Variants in NKAIN2 observed in about 807,000 individuals in gnomAD.
NKAIN2 encodes the protein sodium/potassium transporting ATPase interacting 2.
In NKAIN2, 14 loss-of-function variants were observed where a neutral mutation model predicts 32.6. The observed-to-expected ratio is 0.43, with a 90% CI of 0.28 to 0.67. The LOEUF (loss-of-function observed/expected upper bound fraction) is 0.67, where lower values mean the gene tolerates loss of function less well. Ranked by LOEUF, NKAIN2 falls within the 30% of genes least tolerant of loss-of-function variation. NKAIN2 has a pLI of 0.17. For missense variants in NKAIN2, 198 were observed against 258.3 expected (o/e 0.77, Z 1.60); for synonymous variants, 80 against 87.2 (o/e 0.92, Z 0.46).
At chr6:124,329,644 A>G (rs1797570582) in intron 2 of NKAIN2, among the ~76,000 whole-genome samples, 1 of 152,192 alleles carries the variant, frequency 6.6e-6, no homozygotes, top group Non-Finnish European at 1.5e-5. Context: ...TGTAACCATC[A>G]TTCATATAAG....
chr6:124,810,868 A>T (rs1780871859), intron 5 of NKAIN2, among the ~76,000 whole-genome samples: 1 of 151,738 alleles, frequency 6.6e-6, no homozygotes, highest in Admixed American at 6.6e-5. Context: ...TTCATGCAAC[A>T]ACAGGCTAAA....
intron 3 of NKAIN2, among the ~76,000 whole-genome samples, chr6:124,656,092 CA>C (rs757133120): frequency 7.2e-5 from 11 of 152,174 alleles, no homozygotes; most frequent in Non-Finnish European, 1.2e-4. Flanking sequence ...CTTTGGTAAC[CA>C]AACATTAAAT....
intron 3 of NKAIN2, among the ~76,000 whole-genome samples, chr6:124,607,941 G>C (rs1402609619): frequency 6.6e-6 from 1 of 152,076 alleles, no homozygotes; most frequent in African/African-American, 2.4e-5. Flanking sequence ...TAAGTGTTCT[G>C]AGCATGTTTA....
chr6:123,892,226 A>G (rs1462266176), intron 1 of NKAIN2, among the ~76,000 whole-genome samples: 3 of 152,212 alleles, frequency 2.0e-5, no homozygotes, highest in East Asian at 1.9e-4. Context: ...CCTTTAACAT[A>G]TGAATCTAGA....
At chr6:124,687,406 T>C (rs1299752228) in intron 4 of NKAIN2, among the ~76,000 whole-genome samples, 6 of 108,000 alleles carry the variant, frequency 5.6e-5, no homozygotes, top group African/African-American at 1.4e-4. Flanking sequence ...TATGTGTATG[T>C]ATGGAATATA....
chr6:124,167,461 C>G (rs1424262714), intron 1 of NKAIN2, among the ~76,000 whole-genome samples: 1 of 152,146 alleles, frequency 6.6e-6, no homozygotes. Flanking sequence ...ATGTCATCTG[C>G]AAACAGGGAC....
chr6:124,307,178 A>G (rs1015776697), intron 2 of NKAIN2, among the ~76,000 whole-genome samples: 1 of 152,292 alleles, frequency 6.6e-6, no homozygotes, highest in South Asian at 2.1e-4. Flanking sequence ...CTGATAAAAA[A>G]TTATATATGG....
intron 1 of NKAIN2, among the ~76,000 whole-genome samples, chr6:124,193,503 G>A (rs1048639562): frequency 1.3e-5 from 2 of 152,158 alleles, no homozygotes; most frequent in East Asian, 1.9e-4. Flanking sequence ...ACCAGGAACC[G>A]CAGAGCCCTA....
At chr6:124,470,727 A>T (rs1038120740) in intron 3 of NKAIN2, among the ~76,000 whole-genome samples, 8 of 152,164 alleles carry the variant, frequency 5.3e-5, no homozygotes, top group Non-Finnish European at 8.8e-5. Flanking sequence ...AAATGATCTC[A>T]TATATGAAAT....
intron 3 of NKAIN2, among the ~76,000 whole-genome samples, chr6:124,575,375 A>T (rs1258101268): frequency 6.6e-6 from 1 of 152,250 alleles, no homozygotes; most frequent in Non-Finnish European, 1.5e-5. Flanking sequence ...CTTCTCTTTT[A>T]TAATGACATT....
At position 123,826,649 on chromosome 6, in the gene NKAIN2, A is replaced by G. The variant is rs546909943; in HGVS notation, c.54+22395A>G. On this transcript the variant is annotated intron_variant, in intron 1 of 6. Coordinates refer to ENST00000368417, the MANE Select transcript of NKAIN2 (RefSeq NM_001040214.3). ...GAGCCTGACTTATTTCCCTTAATGT[A>G]ATATCTTCAAGGTTCATCCATTTTG... Among the ~76,000 whole-genome samples the G allele has an allele frequency of 7.2e-4, 109 of 152,242 alleles. 3 individuals carry two copies. The South Asian group carries it at 0.014, about 20-fold the overall frequency.
chr6:124,351,546 G>A (rs1798734400), intron 2 of NKAIN2, among the ~76,000 whole-genome samples: 1 of 151,034 alleles, frequency 6.6e-6, no homozygotes, highest in Non-Finnish European at 1.5e-5. Flanking sequence ...GAAATCATGT[G>A]GGAAGTATAT....
intron 3 of NKAIN2, among the ~76,000 whole-genome samples, chr6:124,486,733 G>A (rs1055453687): frequency 4.6e-5 from 7 of 152,030 alleles, no homozygotes; most frequent in African/African-American, 1.7e-4. Flanking sequence ...CACCATTCCT[G>A]TTGCCTTTCA....
chr6:124,422,409 A>G (rs529988164), intron 3 of NKAIN2, among the ~76,000 whole-genome samples: 6 of 152,314 alleles, frequency 3.9e-5, no homozygotes, highest in Admixed American at 2.0e-4. Context: ...ATATTTTTAT[A>G]TCCCATTGCC....
intron 5 of NKAIN2, among the ~76,000 whole-genome samples, chr6:124,811,926 G>C (rs947645271): frequency 6.6e-6 from 1 of 151,968 alleles, no homozygotes; most frequent in East Asian, 1.9e-4. Flanking sequence ...AAATCCCTCC[G>C]ACAAGGCAGA....
chr6:124,167,881 T>C (rs1020342568), intron 1 of NKAIN2, among the ~76,000 whole-genome samples: 1 of 152,176 alleles, frequency 6.6e-6, no homozygotes, highest in Non-Finnish European at 1.5e-5. Flanking sequence ...TTTTATGTAC[T>C]TAGGTAGCCT....
At chr6:124,511,843 G>T (rs1778726739) in intron 3 of NKAIN2, among the ~76,000 whole-genome samples, 1 of 152,108 alleles carries the variant, frequency 6.6e-6, no homozygotes, top group Non-Finnish European at 1.5e-5. Flanking sequence ...TAACCCAGCA[G>T]CTGAGTACGA....
chr6:124,140,688 A>AT (rs1028303531), intron 1 of NKAIN2, among the ~76,000 whole-genome samples: 2 of 152,090 alleles, frequency 1.3e-5, no homozygotes, highest in Admixed American at 6.5e-5. Context: ...CTATCCAGCT[A>AT]TTTTTTTAAA....
chr6:124,611,654 A>G (rs750336878), intron 3 of NKAIN2, among the ~76,000 whole-genome samples: 2 of 152,120 alleles, frequency 1.3e-5, no homozygotes, highest in Non-Finnish European at 2.9e-5. Context: ...TGTGGTAAAC[A>G]CCACTTTAAA....
Sources: gnomAD v4.1 joint callset for allele counts (sites outside exome capture counted in the v4.1 genomes callset) on GRCh38, gnomAD v4.1.1 for gene constraint, MANE v1.5 for transcripts, NCBI Gene and HGNC (gene_info 2026-07-23, HGNC 2026-07-21) for gene names.